The following GFRA1 variants were observed in gnomAD, a reference collection of about 807,000 sequenced individuals.
GFRA1 encodes the protein GDNF family receptor alpha-1.
In GFRA1, 16 loss-of-function variants were observed where a neutral mutation model predicts 51.6. The ratio of observed to expected loss-of-function variants is 0.31; its 90% CI spans 0.21 to 0.47. GFRA1 has a LOEUF of 0.47. Ranked by LOEUF, GFRA1 falls within the 20% of genes least tolerant of loss-of-function variation. The probability of loss-of-function intolerance (pLI) is 1.00; values close to 1 mark genes in which losing one functional copy is unlikely to be tolerated. For synonymous variants in GFRA1, 270 were observed against 241.3 expected (o/e 1.12, Z -1.10); for missense variants, 530 against 594.3 (o/e 0.89, Z 1.13).
At chr10:116,193,486 A>T (rs1236118508) in intron 5 of GFRA1, among the ~76,000 whole-genome samples, 1 of 152,180 alleles carries the variant, frequency 6.6e-6, no homozygotes, top group Non-Finnish European at 1.5e-5. Context: ...AGTTCACGGA[A>T]ATGTCACTAA....
At chr10:116,182,309 A>C (rs937880421) in intron 5 of GFRA1, among the ~76,000 whole-genome samples, 1 of 152,248 alleles carries the variant, frequency 6.6e-6, no homozygotes, top group African/African-American at 2.4e-5. Flanking sequence ...TGCTGGAACT[A>C]TATTTTGTCC....
intron 9 of GFRA1, 100 bp downstream of exon 9, chr10:116,089,641 G>T (rs895465134): frequency 3.0e-6 from 3 of 996,760 alleles, no homozygotes; most frequent in African/African-American, 3.2e-5. Context: ...AGCAGCATTC[G>T]TCATCTCTCT....
At chr10:116,096,322 C>T (rs138929365) in intron 7 of GFRA1, among the ~76,000 whole-genome samples, 6 of 152,208 alleles carry the variant, frequency 3.9e-5, no homozygotes, top group Non-Finnish European at 8.8e-5. Context: ...TCGCTTTCTT[C>T]TTCCATAACC....
chr10:116,197,423 A>G (rs1233906388), intron 5 of GFRA1, among the ~76,000 whole-genome samples: 1 of 152,226 alleles, frequency 6.6e-6, no homozygotes, highest in Non-Finnish European at 1.5e-5. Flanking sequence ...TCAGTTGTTT[A>G]TAAGCTACCC....
rs542044806 is a variant in GFRA1, at chr10:116,097,293, A to G, written c.771-529T>C. Among the ~76,000 whole-genome samples, 4 of 152,244 alleles carry G rather than the reference A, an allele frequency of 2.6e-5. No homozygotes were observed. In the South Asian group the frequency reaches 8.3e-4, roughly 32 times the overall value. On this transcript the variant is annotated intron_variant, in intron 6 of 10. Transcript: ENST00000355422. ...ACCTCTCATCCACCAGCCCAGGGGT[A>G]GTGATTTATTCCAGCCGAGTGGCAC...
intron 5 of GFRA1, among the ~76,000 whole-genome samples, chr10:116,176,934 G>T (rs1375851046): frequency 6.6e-6 from 1 of 152,198 alleles, no homozygotes; most frequent in Non-Finnish European, 1.5e-5. Flanking sequence ...ACTTTGCAGA[G>T]AAGGAACTTT....
intron 5 of GFRA1, among the ~76,000 whole-genome samples, chr10:116,194,101 C>G (rs183545388): frequency 4.1e-5 from 6 of 147,418 alleles, no homozygotes; most frequent in Non-Finnish European, 4.5e-5. Context: ...ATGATAAAAC[C>G]TTAAATGAGG....
chr10:116,095,655 C>T (rs989226082), intron 7 of GFRA1, among the ~76,000 whole-genome samples: 1 of 152,144 alleles, frequency 6.6e-6, no homozygotes, highest in Non-Finnish European at 1.5e-5. Flanking sequence ...CCTGTCCATC[C>T]CTGCATTAAG....
intron 6 of GFRA1, among the ~76,000 whole-genome samples, chr10:116,110,255 C>T (rs2133963721): frequency 6.6e-6 from 1 of 152,292 alleles, no homozygotes; most frequent in Middle Eastern, 3.4e-3. Flanking sequence ...CAAGGGATTT[C>T]ACTGAGCATT....
intron 4 of GFRA1, among the ~76,000 whole-genome samples, chr10:116,233,879 C>G (rs1221762391): frequency 3.9e-5 from 6 of 152,222 alleles, no homozygotes; most frequent in Admixed American, 3.9e-4. Context: ...TTTCCTCAGA[C>G]TCCACTGAAT....
intron 9 of GFRA1, among the ~76,000 whole-genome samples, chr10:116,083,748 TCTGGC>T (rs1277219807): frequency 1.3e-5 from 2 of 152,202 alleles, no homozygotes; most frequent in African/African-American, 4.8e-5. Context: ...TCTGGTCTGG[TCTGGC>T]CCCATCTGGA....
At chr10:116,266,094 G>A (rs987106147) in intron 4 of GFRA1, among the ~76,000 whole-genome samples, 5 of 152,118 alleles carry the variant, frequency 3.3e-5, no homozygotes, top group African/African-American at 1.2e-4. Context: ...ACCTCAGCAA[G>A]GCCTTTTATG....
At chr10:116,101,407 A>T (rs974679515) in intron 6 of GFRA1, among the ~76,000 whole-genome samples, 8 of 152,358 alleles carry the variant, frequency 5.3e-5, no homozygotes, top group African/African-American at 1.7e-4. Context: ...CGCTCTCAGT[A>T]AGAGAAAATC....
At position 116,059,169 on chromosome 10, in the gene GFRA1, A is replaced by T. The variant is rs1954685960; in HGVS notation, c.*5229T>A. 1 of 152,268 alleles carries T rather than the reference A, an allele frequency of 6.6e-6. No individual in the cohort carries two copies. Among genetic ancestry groups the T allele is most frequent in the Non-Finnish European group, 1.5e-5 (1 of 68,072 alleles). 9.4% of individuals were successfully genotyped at this position (152,268 alleles called of 1,614,324 possible). A position where few individuals can be genotyped will look rare whatever the true frequency, so the allele number is the denominator to read the frequency against. The stretch of plus-strand genomic sequence containing the variant: ...ATAGGCCAGTTCTTGCTACCGTATG[A>T]CAGAATAAAGCCCTTAAATGTCAAG... On this transcript the variant is annotated 3_prime_UTR_variant, in exon 11 of 11. Transcript: ENST00000355422.
At chr10:116,230,997 T>C (rs1184929681) in intron 4 of GFRA1, among the ~76,000 whole-genome samples, 3 of 152,174 alleles carry the variant, frequency 2.0e-5, no homozygotes, top group Non-Finnish European at 4.4e-5. Context: ...CAGGGCTAGC[T>C]TACTGATGGG....
intron 4 of GFRA1, among the ~76,000 whole-genome samples, chr10:116,234,454 C>T (rs1484881284): frequency 6.6e-6 from 1 of 152,148 alleles, no homozygotes; most frequent in Non-Finnish European, 1.5e-5. Context: ...ACTTAGGATA[C>T]ACAGCAAAAG....
intron 8 of GFRA1, among the ~76,000 whole-genome samples, chr10:116,091,259 G>A (rs1331741421): frequency 6.6e-6 from 1 of 152,182 alleles, no homozygotes; most frequent in East Asian, 1.9e-4. Flanking sequence ...TAAGTGCCAG[G>A]CACTGAACTA....
At chr10:116,259,526 T>C (rs956898386) in intron 4 of GFRA1, among the ~76,000 whole-genome samples, 1 of 152,146 alleles carries the variant, frequency 6.6e-6, no homozygotes, top group Admixed American at 6.5e-5. Context: ...TGGATTTTGG[T>C]TGTCAATTAA....
chr10:116,160,686 A>G (rs965896233), intron 5 of GFRA1, among the ~76,000 whole-genome samples: 2 of 152,228 alleles, frequency 1.3e-5, no homozygotes, highest in African/African-American at 4.8e-5. Flanking sequence ...TCAATGACCA[A>G]TTAATGGGCA....
Sources: allele counts gnomAD v4.1 joint callset (sites outside exome capture counted in the v4.1 genomes callset), GRCh38; gene constraint gnomAD v4.1.1; transcripts MANE v1.5; gene names NCBI Gene and HGNC (gene_info 2026-07-23, HGNC 2026-07-21).